RPLP2: variants seen among roughly 807,000 people sequenced by gnomAD.
RPLP2 encodes ribosomal protein lateral stalk subunit P2.
A neutral mutation model predicts 11.5 loss-of-function variants in RPLP2; 1 was observed. The observed-to-expected ratio is 0.09, with a 90% CI of 0.03 to 0.41. The LOEUF (loss-of-function observed/expected upper bound fraction) is 0.41, where lower values mean the gene tolerates loss of function less well. RPLP2 is among the 10% of genes least tolerant of loss of function. RPLP2 has a pLI of 0.98. For missense variants in RPLP2, 177 were observed against 145.6 expected (o/e 1.22, Z -1.11); for synonymous variants, 82 against 55.9 (o/e 1.47, Z -2.08).
intron 2 of RPLP2, chr11:811,337 A>T: frequency 1.8e-6 from 1 of 544,570 alleles, no homozygotes. Context: ...GCCAGTGTTG[A>T]AGATACCTAT....
chr11:810,159 C>T (rs1220500719), intron 1 of RPLP2, 75 bp from the exon 2 acceptor site: 2 of 1,382,212 alleles, frequency 1.4e-6, no homozygotes, highest in Non-Finnish European at 1.9e-6. Flanking sequence ...CGCGGCCTCG[C>T]CCGGCGGCCC....
chr11:811,364 T>C (rs1866050887), intron 2 of RPLP2: 1 of 582,760 alleles, frequency 1.7e-6, no homozygotes, highest in African/African-American at 1.9e-5. Context: ...TCAACATAAG[T>C]AGTGAGATGC....
chr11:812,407 G>A (rs1242158425), intron 3 of RPLP2, 128 bp from the exon 4 acceptor site: 31 of 1,224,336 alleles, frequency 2.5e-5, no homozygotes, highest in Non-Finnish European at 3.3e-5. Context: ...AAGAACGGGA[G>A]ACACTGGCAT....
intron 2 of RPLP2, among the ~76,000 whole-genome samples, chr11:810,882 G>T (rs10902222): frequency 0.67 from 98,166 of 146,366 alleles, 33,069 homozygotes; most frequent in Admixed American, 0.71. Context: ...GTAAGATTGC[G>T]TTAAAAAAAA....
chr11:812,796 A>C lies in RPLP2; in HGVS notation c.308A>C (p.Glu103Ala). 6.2e-7 allele frequency: 1 copy of C among 1,613,828 alleles called. No individual in the cohort carries two copies. The highest frequency in any genetic ancestry group is 8.5e-7 in the Non-Finnish European group (1 of 1,180,020). Residue 103 changes from glutamate to alanine, a missense_variant, in exon 5 of 5, where the codon GAA (glutamate) becomes GCA (alanine). Coordinates refer to ENST00000321153, the MANE Select transcript of RPLP2 (RefSeq NM_001004.4). ...EKKDEKKEES[E>A]ESDDDMGFGL... ...AAAGATGAGAAGAAGGAGGAGTCTGAAGAGTCAGATGATGACATGGGATTT... is the reference window on the plus strand; with the variant it reads ...AAAGATGAGAAGAAGGAGGAGTCTGCAGAGTCAGATGATGACATGGGATTT...
chr11:812,817 G>T lies in RPLP2; in HGVS notation c.329G>T (p.Gly110Val). 6.2e-7 allele frequency: 1 copy of T among 1,613,472 alleles called. No individual in the cohort carries two copies. Among genetic ancestry groups the T allele is most frequent in the Non-Finnish European group, 8.5e-7 (1 of 1,180,020 alleles). The change falls in exon 5 of 5, where the codon GGA becomes GTA. Residue 110 changes from glycine to valine, a missense_variant. Transcript: ENST00000321153. ...TCTGAAGAGTCAGATGATGACATGG[G>T]ATTTGGCCTTTTTGATTAAATTCCT... ...EESEESDDDM[G>V]FGLFD
At chr11:811,751 A>C in intron 3 of RPLP2, 106 bp downstream of exon 3, 1 of 1,414,722 alleles carries the variant, frequency 7.1e-7, no homozygotes, top group Non-Finnish European at 1.0e-6. Context: ...AGCACCCTAG[A>C]AGCCTCACCC....
chr11:812,490 C>T (rs769833565), intron 3 of RPLP2, 45 bp from the exon 4 acceptor site: 2 of 1,600,866 alleles, frequency 1.2e-6, no homozygotes, highest in Non-Finnish European at 1.7e-6. Context: ...GAACAGCCTC[C>T]CAGGCTGGGC....
In RPLP2 at chr11:811,626, T is replaced by G. The variant is rs199694704; in HGVS notation, c.153T>G (p.Ile51Met). The G allele has an allele frequency of 1.5e-5, 25 of 1,614,098 alleles. No individual in the cohort carries two copies. Among genetic ancestry groups the G allele is most frequent in the African/African-American group, 4.0e-5 (3 of 74,930 alleles). The change falls in exon 3 of 5, where the codon ATT becomes ATG. Residue 51 changes from isoleucine (I) to methionine (M), a missense_variant. Ile to Met is a conservative substitution (Grantham distance 10, BLOSUM62 1). Coordinates refer to ENST00000321153, the MANE Select transcript of RPLP2 (RefSeq NM_001004.4). ...KVISELNGKN[I>M]EDVIAQGIGK... ...TCAGTGAGCTGAATGGAAAAAACAT[T>G]GAAGACGTCATTGCCCAGGGTGAGT...
In RPLP2 at chr11:810,298, G is replaced by A. The variant is rs763633895; in HGVS notation, c.64G>A (p.Asp22Asn). ...LGGNSSPSAK[D>N]IKKILDSVGI... ...GGGCAACTCCTCCCCCAGCGCCAAG[G>A]ACATCAAGAAGATCTTGGACAGCGT... Residue 22 changes from aspartate (D) to asparagine (N), a missense_variant, in exon 2 of 5, where the codon GAC (aspartate) becomes AAC (asparagine). Coordinates refer to ENST00000321153, the MANE Select transcript of RPLP2 (RefSeq NM_001004.4). The A allele has an allele frequency of 6.2e-7, 1 of 1,609,382 alleles. No individual in the cohort carries two copies. Among genetic ancestry groups the A allele is most frequent in the South Asian group, 1.1e-5 (1 of 90,468 alleles).
Position 809,998 on chromosome 11 carries a change from C to G in RPLP2, c.-43C>G, listed in dbSNP as rs887406071. On this transcript the variant is annotated 5_prime_UTR_variant, in exon 1 of 5. Transcript: ENST00000321153. ...CCTCCCTGTCGCCACCGAGGTCGCA[C>G]GCGTGAGACTTCTCCGCCGCCTCCG... The G allele has an allele frequency of 4.6e-6, 2 of 432,076 alleles. No individual in the cohort carries two copies. The highest frequency in any genetic ancestry group is 4.7e-5 in the Admixed American group (1 of 21,118). The allele number at this position is 432,076 out of a possible 1,614,324, so 26.8% of individuals were successfully genotyped here. A position where few individuals can be genotyped will look rare whatever the true frequency, so the allele number is the denominator to read the frequency against.
At chr11:812,480 G>A (rs1866092281) in intron 3 of RPLP2, 55 bp from the exon 4 acceptor site, 2 of 1,596,960 alleles carry the variant, frequency 1.3e-6, no homozygotes, top group Non-Finnish European at 8.5e-7. Context: ...CTTCCCTGTG[G>A]AACAGCCTCC....
intron 2 of RPLP2, among the ~76,000 whole-genome samples, chr11:810,973 C>G (rs545854143): frequency 1.5e-5 from 2 of 136,634 alleles, no homozygotes; most frequent in Admixed American, 1.6e-4. Context: ...AAGTTCGAGA[C>G]TGGTCTGGAA....
Position 811,505 on chromosome 11 carries a change from G to C in RPLP2, c.124-92G>C, listed in dbSNP as rs1372603001. On this transcript the variant is annotated intron_variant, in intron 2 of 4. Coordinates refer to ENST00000321153, the MANE Select transcript of RPLP2 (RefSeq NM_001004.4). ...GAAACTTCAGGGCCTATTCCCATGTGGGGAACCCAGTCCTGCTGTGACTCT... is the reference window on the plus strand; with the variant it reads ...GAAACTTCAGGGCCTATTCCCATGTCGGGAACCCAGTCCTGCTGTGACTCT... 5 of 1,516,630 alleles carry C rather than the reference G, an allele frequency of 3.3e-6. No individual in the cohort carries two copies. In the Admixed American group the frequency reaches 8.7e-5, roughly 26 times the overall value. 93.9% of individuals were successfully genotyped at this position (1,516,630 alleles called of 1,614,324 possible).
At chr11:811,167 C>A (rs771031178) in intron 2 of RPLP2, among the ~76,000 whole-genome samples, 1 of 152,056 alleles carries the variant, frequency 6.6e-6, no homozygotes, top group Non-Finnish European at 1.5e-5. Flanking sequence ...GGCCTCGTCT[C>A]TAAAATACAA....
At position 812,065 on chromosome 11, in the gene RPLP2, T is replaced by C. The variant is rs374195414; in HGVS notation, c.172+420T>C. The C allele has an allele frequency of 6.0e-5, 23 of 381,514 alleles. No homozygotes were observed. The East Asian group carries it at 1.1e-3, about 18-fold the overall frequency. 23.6% of individuals were successfully genotyped at this position (381,514 alleles called of 1,614,324 possible). ...CTTTGTTGGGCAGATGGTTTTTTGT[T>C]GGCTTCAGCTGAGCTGGTGGAACTT... On this transcript the variant is annotated intron_variant, in intron 3 of 4. Coordinates refer to ENST00000321153, the MANE Select transcript of RPLP2 (RefSeq NM_001004.4).
At chr11:811,671 TTTG>T in intron 3 of RPLP2, 26 bp downstream of exon 3, 1 of 1,614,090 alleles carries the variant, frequency 6.2e-7, no homozygotes, top group Non-Finnish European at 8.5e-7. Context: ...CGGGCTTTCG[TTTG>T]TTTTCATGGT....
At chr11:810,187 A>C (rs1436180861) in intron 1 of RPLP2, 47 bp from the exon 2 acceptor site, 2 of 1,448,834 alleles carry the variant, frequency 1.4e-6, no homozygotes, top group African/African-American at 1.5e-5. Flanking sequence ...GGCCGGCAGG[A>C]GGCCGCCGGG....
chr11:812,545 G>C lies in RPLP2; in HGVS notation c.183G>C (p.Lys61Asn), dbSNP rs1866094604. 6.2e-7 allele frequency: 1 copy of C among 1,609,424 alleles called. No homozygotes were observed. The highest frequency in any genetic ancestry group is 8.5e-7 in the Non-Finnish European group (1 of 1,179,860). ...CTCTGCTTTCTGTAGGTATTGGCAA[G>C]CTTGCCAGTGTACCTGCTGGTGGGG... ...IEDVIAQGIGKLASVPAGGAV... is the reference protein window; with the variant it reads ...IEDVIAQGIGNLASVPAGGAV... The change falls in exon 4 of 5, where the codon AAG becomes AAC. Residue 61 changes from lysine (K) to asparagine (N), a missense_variant. Lys to Asn is a moderately conservative substitution (Grantham distance 94). Transcript: ENST00000321153.
Sources: gnomAD v4.1 joint callset for allele counts (sites outside exome capture counted in the v4.1 genomes callset) on GRCh38, gnomAD v4.1.1 for gene constraint, MANE v1.5 for transcripts, NCBI Gene and HGNC (gene_info 2026-07-23, HGNC 2026-07-21) for gene names.